KIAA0825: variants seen among roughly 807,000 people sequenced by gnomAD.
KIAA0825 encodes the protein KIAA0825.
KIAA0825 carries 119 observed loss-of-function variants against 147.6 expected under a neutral mutation model. The observed-to-expected ratio is 0.81, with a 90% confidence interval of 0.69 to 0.94. The LOEUF is 0.94. Among genes scored for constraint, KIAA0825 ranks in the 40% least tolerant of loss-of-function variants. The pLI, the probability that KIAA0825 is intolerant of heterozygous loss-of-function variation, is 0.00. For synonymous variants in KIAA0825, 470 were observed against 518.1 expected, an observed-to-expected ratio of 0.91 and a Z score of 1.26; for missense variants, 1,381 against 1,472.7, an observed-to-expected ratio of 0.94 and a Z score of 1.02.
chr5:94,436,124 G>C (rs1467147664), intron 14 of KIAA0825, among the ~76,000 whole-genome samples: 1 of 151,986 alleles, frequency 6.6e-6, no homozygotes, highest in Admixed American at 6.5e-5. Context: ...AATCTCTTTA[G>C]TTCAATTAGA....
intron 20 of KIAA0825, among the ~76,000 whole-genome samples, chr5:94,354,928 G>T (rs1254847128): frequency 1.3e-5 from 2 of 152,166 alleles, no homozygotes; most frequent in Non-Finnish European, 2.9e-5. Flanking sequence ...TTGGGGTGCA[G>T]CTTGTTTTTA....
intron 20 of KIAA0825, among the ~76,000 whole-genome samples, chr5:94,350,578 C>T (rs1175626865): frequency 6.6e-6 from 1 of 152,070 alleles, no homozygotes; most frequent in Non-Finnish European, 1.5e-5. Flanking sequence ...AAAGATAATC[C>T]ACCATGATCA....
chr5:94,190,363 T>C (rs944370889), intron 20 of KIAA0825, among the ~76,000 whole-genome samples: 2 of 152,292 alleles, frequency 1.3e-5, no homozygotes, highest in South Asian at 4.1e-4. Flanking sequence ...TCTCGCTCTG[T>C]CGCCCAGGCT....
At chr5:94,488,632 A>G (rs1204485878) in intron 5 of KIAA0825, among the ~76,000 whole-genome samples, 2 of 152,184 alleles carry the variant, frequency 1.3e-5, no homozygotes, top group Non-Finnish European at 2.9e-5. Flanking sequence ...TGTATTTAAA[A>G]CAATGTAAAT....
chr5:94,378,554 C>T (rs979565210), intron 20 of KIAA0825, among the ~76,000 whole-genome samples: 1 of 152,128 alleles, frequency 6.6e-6, no homozygotes, highest in Non-Finnish European at 1.5e-5. Context: ...GTGAATAGTG[C>T]TGCAATGAAG....
At position 94,582,572 on chromosome 5, in the gene KIAA0825, T is replaced by C. The variant is rs1050609905; in HGVS notation, c.-141A>G. 1.3e-5 allele frequency: 2 copies of C among 152,098 alleles called. No homozygotes were observed. Among genetic ancestry groups the C allele is most frequent in the Non-Finnish European group, 2.9e-5 (2 of 68,022 alleles). 9.4% of individuals were successfully genotyped at this position (152,098 alleles called of 1,614,324 possible). A position where few individuals can be genotyped will look rare whatever the true frequency, so the allele number is the denominator to read the frequency against. On this transcript the variant is annotated 5_prime_UTR_variant, in exon 2 of 21. Transcript: ENST00000682413. ...AGCAACGTTTTTTTTTCCCAAAGTA[T>C]GTAAAATGTACCTGAAAAATGATTG... is the stretch of plus-strand genomic sequence containing the variant.
chr5:94,484,492 G>A (rs920830511), intron 6 of KIAA0825, among the ~76,000 whole-genome samples: 1 of 151,662 alleles, frequency 6.6e-6, no homozygotes, highest in African/African-American at 2.4e-5. Flanking sequence ...GGCTAGTTGT[G>A]TTTCTTTGAA....
intron 20 of KIAA0825, among the ~76,000 whole-genome samples, chr5:94,290,777 A>C (rs1777854836): frequency 6.6e-6 from 1 of 152,148 alleles, no homozygotes; most frequent in South Asian, 2.1e-4. Context: ...CTATTTCTCC[A>C]CATCCTCTCC....
chr5:94,167,068 A>AC (rs1295394952), intron 20 of KIAA0825, among the ~76,000 whole-genome samples: 1 of 151,836 alleles, frequency 6.6e-6, no homozygotes, highest in Non-Finnish European at 1.5e-5. Flanking sequence ...ACTCCATTAC[A>AC]CCCCCCTCCT....
At chr5:94,583,098 C>T (rs772127499) in intron 1 of KIAA0825, among the ~76,000 whole-genome samples, 2 of 152,158 alleles carry the variant, frequency 1.3e-5, no homozygotes, top group African/African-American at 4.8e-5. Flanking sequence ...CAGCTCCCAG[C>T]GAGATCGACG....
At chr5:94,532,347 C>A (rs554624298) in intron 3 of KIAA0825, among the ~76,000 whole-genome samples, 1 of 151,960 alleles carries the variant, frequency 6.6e-6, no homozygotes, top group Admixed American at 6.6e-5. Context: ...GACAGTGTTT[C>A]GCCATGTTGC....
intron 1 of KIAA0825, among the ~76,000 whole-genome samples, chr5:94,586,795 A>T (rs1783382931): frequency 6.6e-6 from 1 of 152,224 alleles, no homozygotes; most frequent in Non-Finnish European, 1.5e-5. Flanking sequence ...AATCCTCAAT[A>T]AAAAACTGGC....
intron 20 of KIAA0825, among the ~76,000 whole-genome samples, chr5:94,280,179 A>G (rs1777395992): frequency 1.3e-5 from 2 of 152,070 alleles, no homozygotes; most frequent in Admixed American, 1.3e-4. Context: ...ACTGAATTCC[A>G]GGTGAGGGAT....
chr5:94,458,741 T>C (rs1274045897), intron 12 of KIAA0825, among the ~76,000 whole-genome samples: 3 of 146,286 alleles, frequency 2.1e-5, no homozygotes, highest in African/African-American at 5.0e-5. Flanking sequence ...TTCTGCCAGA[T>C]ACCTTTTTTT....
intron 20 of KIAA0825, among the ~76,000 whole-genome samples, chr5:94,179,000 A>AT (rs1769358292): frequency 6.6e-6 from 1 of 152,062 alleles, no homozygotes; most frequent in Admixed American, 6.6e-5. Flanking sequence ...TTTAAAATAC[A>AT]TTTTTCTAAG....
chr5:94,508,044 T>C lies in KIAA0825; in HGVS notation c.970+12204A>G, dbSNP rs79621218. ...ACGGTGAACTTAAAAGTAGTGTTAT[T>C]TTTTCTTTTCCATTTACTAATGATA... On this transcript the variant is annotated intron_variant, in intron 5 of 20. Transcript: ENST00000682413. 3.3e-4 allele frequency among the ~76,000 whole-genome samples: 51 copies of C among 152,298 alleles called. No individual in the cohort carries two copies. The East Asian group carries it at 5.8e-3, about 17-fold the overall frequency.
chr5:94,497,424 T>A (rs892496793), intron 5 of KIAA0825, among the ~76,000 whole-genome samples: 5 of 152,222 alleles, frequency 3.3e-5, no homozygotes, highest in African/African-American at 1.2e-4. Flanking sequence ...TATAGCATTA[T>A]GTAATTTATA....
Position 94,290,096 on chromosome 5 carries a change from A to C in KIAA0825, c.3710+94272T>G, listed in dbSNP as rs1404137729. Among the ~76,000 whole-genome samples, 5 of 152,220 alleles carry C rather than the reference A, an allele frequency of 3.3e-5. No homozygotes were observed. The East Asian group carries it at 9.7e-4, about 29-fold the overall frequency. On this transcript the variant is annotated intron_variant, in intron 20 of 20. Transcript: ENST00000682413. ...TGAATAGCACATCACAGATAGGGAGATGGGATCAGGCAATAAGAGAGTAGG... is the reference window on the plus strand; with the variant it reads ...TGAATAGCACATCACAGATAGGGAGCTGGGATCAGGCAATAAGAGAGTAGG...
chr5:94,561,096 C>T (rs538080879), intron 2 of KIAA0825, among the ~76,000 whole-genome samples: 1 of 152,308 alleles, frequency 6.6e-6, no homozygotes, highest in South Asian at 2.1e-4. Context: ...TAACTCTAAC[C>T]TCCAGAGACA....
Sources: gnomAD v4.1 joint callset for allele counts (sites outside exome capture counted in the v4.1 genomes callset) on GRCh38, gnomAD v4.1.1 for gene constraint, MANE v1.5 for transcripts, NCBI Gene and HGNC (gene_info 2026-07-23, HGNC 2026-07-21) for gene names.